Variants in SUPT3H observed in about 807,000 individuals in gnomAD.
SUPT3H encodes the protein transcription initiation protein SPT3 homolog.
A neutral mutation model predicts 44.3 loss-of-function variants in SUPT3H; 44 were observed. The observed-to-expected ratio is 0.99, with a 90% CI of 0.78 to 1.28. The LOEUF is 1.28. SUPT3H is among the 50% of genes most tolerant of loss of function. SUPT3H has a pLI of 0.00. For missense variants in SUPT3H, 380 were observed against 387.1 expected, an observed-to-expected ratio of 0.98 and a Z score of 0.15; for synonymous variants, 124 against 125.6, an observed-to-expected ratio of 0.99 and a Z score of 0.09.
At chr6:44,945,403 G>C (rs1773179498) in intron 9 of SUPT3H, among the ~76,000 whole-genome samples, 1 of 152,176 alleles carries the variant, frequency 6.6e-6, no homozygotes, top group South Asian at 2.1e-4. Flanking sequence ...AAGGAGGCAT[G>C]TTGACAGCCA....
At chr6:44,867,154 CTT>C (rs1361754213) in intron 10 of SUPT3H, among the ~76,000 whole-genome samples, 21 of 143,418 alleles carry the variant, frequency 1.5e-4, no homozygotes, top group Non-Finnish European at 9.2e-5. Context: ...GGAAGATACA[CTT>C]TTTTTTTTTT....
intron 2 of SUPT3H, among the ~76,000 whole-genome samples, chr6:45,246,924 A>G (rs1771459872): frequency 6.6e-6 from 1 of 152,206 alleles, no homozygotes; most frequent in Non-Finnish European, 1.5e-5. Context: ...TAAGAAACTA[A>G]AAAGATAAGA....
At chr6:45,273,027 C>A (rs1776452804) in intron 2 of SUPT3H, among the ~76,000 whole-genome samples, 1 of 152,172 alleles carries the variant, frequency 6.6e-6, no homozygotes, top group Admixed American at 6.5e-5. Flanking sequence ...GCTTTGAGAT[C>A]TTGAGCCCAT....
At chr6:45,145,198 C>G (rs1583817921) in intron 2 of SUPT3H, among the ~76,000 whole-genome samples, 1 of 152,030 alleles carries the variant, frequency 6.6e-6, no homozygotes, top group African/African-American at 2.4e-5. Flanking sequence ...AATAAAGATC[C>G]TACATAGCCA....
intron 11 of SUPT3H, among the ~76,000 whole-genome samples, chr6:44,812,104 G>A (rs1016373807): frequency 2.6e-5 from 4 of 152,110 alleles, no homozygotes; most frequent in South Asian, 2.1e-4. Context: ...CTATGATGCC[G>A]TAACAAATTA....
chr6:45,257,354 A>T (rs1388938144), intron 2 of SUPT3H, among the ~76,000 whole-genome samples: 1 of 152,226 alleles, frequency 6.6e-6, no homozygotes, highest in Non-Finnish European at 1.5e-5. Context: ...CCATGCCCAG[A>T]ATTTTACTAT....
chr6:45,005,078 T>C (rs1395690836), intron 5 of SUPT3H, among the ~76,000 whole-genome samples: 1 of 152,176 alleles, frequency 6.6e-6, no homozygotes, highest in Admixed American at 6.6e-5. Flanking sequence ...AGTTAAAAGG[T>C]ACAAACATTT....
intron 7 of SUPT3H, among the ~76,000 whole-genome samples, chr6:44,960,140 G>A (rs992860619): frequency 2.0e-5 from 3 of 151,982 alleles, no homozygotes; most frequent in Non-Finnish European, 2.9e-5. Flanking sequence ...ATCTACTATA[G>A]TTTATTATTG....
At chr6:44,996,683 G>C (rs1049606833) in intron 6 of SUPT3H, among the ~76,000 whole-genome samples, 2 of 151,830 alleles carry the variant, frequency 1.3e-5, no homozygotes, top group African/African-American at 4.8e-5. Flanking sequence ...TACTCCCACA[G>C]TGTATTTGAC....
At chr6:45,323,020 C>A in intron 2 of SUPT3H, 2 of 1,096,276 alleles carry the variant, frequency 1.8e-6, no homozygotes, top group Non-Finnish European at 2.7e-6. Flanking sequence ...AATAGAGATA[C>A]AGACAGACAT....
At position 44,903,047 on chromosome 6, in the gene SUPT3H, T is replaced by C. The variant is rs376001019; in HGVS notation, c.912+29606A>G. On this transcript the variant is annotated intron_variant, in intron 10 of 10. Transcript: ENST00000371459. ...TTCAAAGCAGTGTGTAGAGGGAAAT[T>C]TATAGCACTAAATGCCCACAAGAGA... Among the ~76,000 whole-genome samples the C allele has an allele frequency of 7.2e-4, 109 of 151,898 alleles. 2 individuals are homozygous for C. In the East Asian group the frequency reaches 0.019, roughly 27 times the overall value.
chr6:45,148,658 T>A (rs994970088), intron 2 of SUPT3H, among the ~76,000 whole-genome samples: 1 of 152,144 alleles, frequency 6.6e-6, no homozygotes, highest in Non-Finnish European at 1.5e-5. Context: ...CCTCTTTCCA[T>A]CACTTCACAA....
chr6:45,156,596 G>T (rs1245821617), intron 2 of SUPT3H, among the ~76,000 whole-genome samples: 4 of 150,954 alleles, frequency 2.6e-5, no homozygotes, highest in Non-Finnish European at 4.4e-5. Flanking sequence ...TAAATTTCTG[G>T]AATCTTTGTT....
At chr6:44,821,234 A>G (rs1479336649) in intron 11 of SUPT3H, among the ~76,000 whole-genome samples, 1 of 152,188 alleles carries the variant, frequency 6.6e-6, no homozygotes, top group Admixed American at 6.5e-5. Flanking sequence ...GGATGCTTCT[A>G]AACACCGAGT....
At chr6:45,140,773 C>T (rs1305992690) in intron 2 of SUPT3H, among the ~76,000 whole-genome samples, 1 of 152,086 alleles carries the variant, frequency 6.6e-6, no homozygotes, top group Non-Finnish European at 1.5e-5. Flanking sequence ...CCTGGTAGCC[C>T]CACTGGGTGG....
chr6:45,316,522 A>G (rs1784730471), intron 2 of SUPT3H, among the ~76,000 whole-genome samples: 1 of 152,166 alleles, frequency 6.6e-6, no homozygotes, highest in Non-Finnish European at 1.5e-5. Context: ...ATAATCTTTC[A>G]TGGAGTAAAA....
At chr6:45,341,995 T>C (rs896776901) in intron 2 of SUPT3H, among the ~76,000 whole-genome samples, 2 of 151,868 alleles carry the variant, frequency 1.3e-5, no homozygotes, top group African/African-American at 4.8e-5. Context: ...GTTATTAACC[T>C]AGCATTAAAA....
At chr6:45,278,175 G>T (rs936844700) in intron 2 of SUPT3H, among the ~76,000 whole-genome samples, 5 of 152,068 alleles carry the variant, frequency 3.3e-5, no homozygotes, top group African/African-American at 1.2e-4. Flanking sequence ...GATAGCATTA[G>T]AAGAAATACC....
At chr6:44,883,311 C>A (rs1276299603) in intron 10 of SUPT3H, among the ~76,000 whole-genome samples, 1 of 152,136 alleles carries the variant, frequency 6.6e-6, no homozygotes, top group African/African-American at 2.4e-5. Context: ...AGGAATACAA[C>A]TTACAAGGGA....
Sources: gnomAD v4.1 joint callset for allele counts (sites outside exome capture counted in the v4.1 genomes callset) on GRCh38, gnomAD v4.1.1 for gene constraint, MANE v1.5 for transcripts, NCBI Gene and HGNC (gene_info 2026-07-23, HGNC 2026-07-21) for gene names.